RCAN2: variants seen among roughly 807,000 people sequenced by gnomAD.
RCAN2 encodes regulator of calcineurin 2, also known as calcipressin-2.
Under a neutral mutation model 23.6 loss-of-function variants are expected in RCAN2, and 9 were observed. The observed-to-expected ratio is 0.38, with a 90% CI of 0.23 to 0.67. The LOEUF (loss-of-function observed/expected upper bound fraction) is 0.67. RCAN2 is among the 30% of genes least tolerant of loss of function. The pLI, the probability that RCAN2 is intolerant of heterozygous loss-of-function variation, is 0.51. For missense variants in RCAN2, 273 were observed against 302.3 expected, an observed-to-expected ratio of 0.90 and a Z score of 0.72; for synonymous variants, 109 against 115.7, an observed-to-expected ratio of 0.94 and a Z score of 0.37.
chr6:46,222,050 A>T lies in RCAN2; in HGVS notation c.*1091T>A, dbSNP rs1252607937. On this transcript the variant is annotated 3_prime_UTR_variant, in exon 5 of 5. Transcript: ENST00000371374. ...TTCATCCCAATAATCTACAACTGAC[A>T]CTTGCATCTTTATTTAAAAACAAGT... 5.0e-6 allele frequency: 2 copies of T among 398,472 alleles called. No homozygotes were observed. The highest frequency in any genetic ancestry group is 4.4e-6 in the Non-Finnish European group (1 of 225,890). 24.7% of individuals were successfully genotyped at this position (398,472 alleles called of 1,614,324 possible).
At chr6:46,251,541 T>C (rs1766718631) in intron 2 of RCAN2, among the ~76,000 whole-genome samples, 1 of 152,202 alleles carries the variant, frequency 6.6e-6, no homozygotes, top group Non-Finnish European at 1.5e-5. Context: ...ACCTCTCCAA[T>C]GCCTGAGCTT....
chr6:46,375,182 T>A (rs916627941), intron 2 of RCAN2, among the ~76,000 whole-genome samples: 1 of 152,230 alleles, frequency 6.6e-6, no homozygotes, highest in Non-Finnish European at 1.5e-5. Flanking sequence ...TCACCTCAAG[T>A]GATCTGCCTG....
At chr6:46,312,359 T>C (rs1434646927) in intron 2 of RCAN2, among the ~76,000 whole-genome samples, 1 of 152,184 alleles carries the variant, frequency 6.6e-6, no homozygotes, top group Non-Finnish European at 1.5e-5. Flanking sequence ...AAGTCCAGCA[T>C]TTAACATCAC....
chr6:46,388,283 A>T (rs932849717), intron 2 of RCAN2, among the ~76,000 whole-genome samples: 2 of 151,770 alleles, frequency 1.3e-5, no homozygotes, highest in Non-Finnish European at 2.9e-5. Flanking sequence ...AAATAAATAA[A>T]TTTTAAAAAA....
intron 2 of RCAN2, among the ~76,000 whole-genome samples, chr6:46,311,043 C>T (rs1165054019): frequency 6.6e-6 from 1 of 152,106 alleles, no homozygotes; most frequent in Non-Finnish European, 1.5e-5. Context: ...TAGGTACATT[C>T]TTATTTCAGT....
At chr6:46,325,484 C>T (rs766588395) in intron 2 of RCAN2, 6 of 1,613,682 alleles carry the variant, frequency 3.7e-6, no homozygotes, top group Admixed American at 1.7e-5. Flanking sequence ...TGGCATTCCC[C>T]CTTCTGAATT....
chr6:46,437,461 C>T lies in RCAN2; in HGVS notation c.225+19291G>A, dbSNP rs146733936. On this transcript the variant is annotated intron_variant, in intron 2 of 4. Transcript: ENST00000371374. ...GAAATGTTTAAAAATTGGGTAAAGTCACTGATTAAGGTGTTCACAAACCAA... is the reference window on the plus strand; with the variant it reads ...GAAATGTTTAAAAATTGGGTAAAGTTACTGATTAAGGTGTTCACAAACCAA... Among the ~76,000 whole-genome samples the T allele has an allele frequency of 1.3e-3, 202 of 152,252 alleles. 6 individuals are homozygous for T. The highest frequency in any genetic ancestry group is 5.2e-3 in the East Asian group (27 of 5,186).
chr6:46,448,953 A>G (rs528020679), intron 2 of RCAN2, among the ~76,000 whole-genome samples: 1 of 151,950 alleles, frequency 6.6e-6, no homozygotes, highest in Non-Finnish European at 1.5e-5. Flanking sequence ...CTTTTATTCA[A>G]CATAATACTG....
At chr6:46,368,545 A>ATCTAAGCTATATGGTATAGCTTATTGC (rs1765239330) in intron 2 of RCAN2, among the ~76,000 whole-genome samples, 4 of 152,340 alleles carry the variant, frequency 2.6e-5, no homozygotes, top group South Asian at 2.1e-4. Context: ...CCTACTACAT[A>ATCTAAGCTATATGGTATAGCTTATTGC]TCTAAGCTAT....
rs1035037425 is a variant in RCAN2, at chr6:46,376,338, T to C, written c.225+80414A>G. Among the ~76,000 whole-genome samples the C allele has an allele frequency of 2.6e-4, 40 of 152,196 alleles. 1 individual carries two copies. Among genetic ancestry groups the C allele is most frequent in the South Asian group, 1.0e-3 (5 of 4,828 alleles). On this transcript the variant is annotated intron_variant, in intron 2 of 4. Transcript: ENST00000371374. ...CTAGAGTGTTGATAACAAAATCAAATTGAAGAACTAAAACCATAAAAGTTG... is the reference window on the plus strand; with the variant it reads ...CTAGAGTGTTGATAACAAAATCAAACTGAAGAACTAAAACCATAAAAGTTG...
At chr6:46,295,272 G>C (rs1239853370) in intron 2 of RCAN2, among the ~76,000 whole-genome samples, 1 of 152,126 alleles carries the variant, frequency 6.6e-6, no homozygotes, top group Non-Finnish European at 1.5e-5. Context: ...TCATAAGACA[G>C]ATCTGGGCCT....
At chr6:46,342,310 G>C (rs1415790539) in intron 2 of RCAN2, among the ~76,000 whole-genome samples, 1 of 152,110 alleles carries the variant, frequency 6.6e-6, no homozygotes, top group Non-Finnish European at 1.5e-5. Context: ...TCTTTGTGCT[G>C]TGTCTCTGAG....
intron 2 of RCAN2, among the ~76,000 whole-genome samples, chr6:46,288,509 A>T (rs148266520): frequency 1.7e-3 from 263 of 152,338 alleles, no homozygotes; most frequent in African/African-American, 6.2e-3. Context: ...AGAGGGGAGA[A>T]TCCTCAACCT....
chr6:46,419,036 G>T (rs940947459), intron 2 of RCAN2, among the ~76,000 whole-genome samples: 3 of 151,932 alleles, frequency 2.0e-5, no homozygotes, highest in Admixed American at 1.3e-4. Flanking sequence ...AAAGAAAAAA[G>T]AAAATAACAT....
At chr6:46,490,758 A>T (rs1769116661) in intron 1 of RCAN2, among the ~76,000 whole-genome samples, 1 of 132,592 alleles carries the variant, frequency 7.5e-6, no homozygotes, top group Non-Finnish European at 1.6e-5. Flanking sequence ...TGCTCTCTGC[A>T]TCCAGTTAGT....
At chr6:46,360,336 T>C (rs1764967979) in intron 2 of RCAN2, among the ~76,000 whole-genome samples, 1 of 151,722 alleles carries the variant, frequency 6.6e-6, no homozygotes, top group South Asian at 2.1e-4. Flanking sequence ...GTGGAGACCA[T>C]GCTGGCTAAC....
intron 1 of RCAN2, among the ~76,000 whole-genome samples, chr6:46,485,900 T>G (rs1247416212): frequency 6.6e-6 from 1 of 152,160 alleles, no homozygotes; most frequent in East Asian, 1.9e-4. Flanking sequence ...AACAAGCTAT[T>G]TGTACCAAAG....
chr6:46,240,056 A>G (rs180772098), intron 4 of RCAN2, among the ~76,000 whole-genome samples: 1 of 152,284 alleles, frequency 6.6e-6, no homozygotes, highest in Non-Finnish European at 1.5e-5. Flanking sequence ...GGGTGAGAGG[A>G]AAGTGGCGGA....
At chr6:46,486,838 G>A (rs1582240678) in intron 1 of RCAN2, among the ~76,000 whole-genome samples, 1 of 152,174 alleles carries the variant, frequency 6.6e-6, no homozygotes, top group South Asian at 2.1e-4. Context: ...AATTGTATTT[G>A]GAAGCATTTC....
Sources: gnomAD v4.1 joint callset for allele counts (sites outside exome capture counted in the v4.1 genomes callset) on GRCh38, gnomAD v4.1.1 for gene constraint, MANE v1.5 for transcripts, NCBI Gene and HGNC (gene_info 2026-07-23, HGNC 2026-07-21) for gene names.